IKZF2: variants seen among roughly 807,000 people sequenced by gnomAD.
IKZF2 encodes IKAROS family zinc finger 2.
IKZF2 carries 15 observed loss-of-function variants against 49.2 expected under a neutral mutation model. That is an observed-to-expected ratio of 0.30 (90% confidence interval 0.20 to 0.47). The LOEUF is 0.47. IKZF2 is among the 20% of genes least tolerant of loss of function. The probability of loss-of-function intolerance (pLI) is 1.00; values close to 1 mark genes in which losing one functional copy is unlikely to be tolerated. For synonymous variants in IKZF2, 227 were observed against 221.4 expected (o/e 1.03, Z -0.23); for missense variants, 567 against 664.6 (o/e 0.85, Z 1.61).
intron 4 of IKZF2, among the ~76,000 whole-genome samples, chr2:213,122,250 GC>G (rs2060082771): frequency 6.6e-6 from 1 of 152,202 alleles, no homozygotes; most frequent in Admixed American, 6.5e-5. Flanking sequence ...CTTCTGAAAA[GC>G]AGAGACTATT....
At chr2:213,090,310 G>A (rs953443955) in intron 4 of IKZF2, among the ~76,000 whole-genome samples, 5 of 152,174 alleles carry the variant, frequency 3.3e-5, no homozygotes, top group African/African-American at 1.2e-4. Flanking sequence ...GCTCACTAAA[G>A]TATATGTGTC....
intron 5 of IKZF2, among the ~76,000 whole-genome samples, chr2:213,054,225 CAG>C (rs1167104151): frequency 6.6e-6 from 1 of 151,800 alleles, no homozygotes; most frequent in African/African-American, 2.4e-5. Context: ...GCCTGGGCGA[CAG>C]AGCAAGACTC....
chr2:213,124,240 T>TCA (rs1553599601), intron 4 of IKZF2, among the ~76,000 whole-genome samples: 1 of 118,410 alleles, frequency 8.4e-6, no homozygotes, highest in African/African-American at 3.4e-5. Flanking sequence ...ACACATGCGC[T>TCA]CGCGCGCGCG....
chr2:213,140,614 A>G (rs1033015674), intron 4 of IKZF2, among the ~76,000 whole-genome samples: 1 of 151,950 alleles, frequency 6.6e-6, no homozygotes, highest in African/African-American at 2.4e-5. Flanking sequence ...TTTTTTTTAA[A>G]AAACAGAAGT....
At chr2:213,112,699 G>A (rs887801860) in intron 4 of IKZF2, among the ~76,000 whole-genome samples, 6 of 151,874 alleles carry the variant, frequency 4.0e-5, no homozygotes, top group East Asian at 1.9e-4. Flanking sequence ...ACATTACACC[G>A]ATTCCCCAAC....
intron 6 of IKZF2, among the ~76,000 whole-genome samples, chr2:213,049,339 C>T (rs987102004): frequency 6.6e-6 from 1 of 152,040 alleles, no homozygotes; most frequent in African/African-American, 2.4e-5. Context: ...AATCAGTTTT[C>T]ATTTCCTCTA....
At chr2:213,069,988 C>G (rs911135872) in intron 4 of IKZF2, among the ~76,000 whole-genome samples, 2 of 151,952 alleles carry the variant, frequency 1.3e-5, no homozygotes, top group African/African-American at 4.8e-5. Flanking sequence ...TTTAATTGTG[C>G]GATATTTTTA....
chr2:213,002,600 G>A lies in IKZF2; in HGVS notation c.*4760C>T, dbSNP rs1201828412. On this transcript the variant is annotated 3_prime_UTR_variant, in exon 9 of 9. Coordinates refer to ENST00000434687, the MANE Select transcript of IKZF2 (RefSeq NM_001387220.1). The stretch of plus-strand genomic sequence containing the variant: ...GCTGTCATATCCTAACACACCCATT[G>A]CAAGTAATACACAACCATGATATGA... The A allele has an allele frequency of 6.6e-6, 1 of 151,836 alleles. No homozygotes were observed. The highest frequency in any genetic ancestry group is 1.5e-5 in the Non-Finnish European group (1 of 67,560). The allele number at this position is 151,836 out of a possible 1,614,324, so 9.4% of individuals were successfully genotyped here.
chr2:213,109,396 G>A (rs1430226178), intron 4 of IKZF2, among the ~76,000 whole-genome samples: 2 of 151,908 alleles, frequency 1.3e-5, no homozygotes, highest in Admixed American at 1.3e-4. Flanking sequence ...ACAACCACAG[G>A]AATAATAGAT....
chr2:213,052,374 G>A (rs1313454432), intron 5 of IKZF2, among the ~76,000 whole-genome samples: 3 of 151,934 alleles, frequency 2.0e-5, no homozygotes, highest in African/African-American at 4.8e-5. Context: ...AAGAGAAAAG[G>A]GGCATTGAAA....
intron 4 of IKZF2, among the ~76,000 whole-genome samples, chr2:213,130,888 T>C (rs1363466950): frequency 6.6e-6 from 1 of 152,170 alleles, no homozygotes; most frequent in Admixed American, 6.5e-5. Context: ...AAAAGATTAC[T>C]TCTTAAGAAG....
chr2:213,132,728 G>A (rs74874817), intron 4 of IKZF2, among the ~76,000 whole-genome samples: 2,637 of 152,264 alleles, frequency 0.017, 39 homozygotes, highest in South Asian at 0.034. Flanking sequence ...AAGCAGCCAA[G>A]ACCTGCCAGC....
In IKZF2 at chr2:212,999,743, T is replaced by C. The variant is rs1210608025; in HGVS notation, c.*7617A>G. 6.6e-6 allele frequency: 1 copy of C among 152,392 alleles called. No homozygotes were observed. The highest frequency in any genetic ancestry group is 1.5e-5 in the Non-Finnish European group (1 of 67,904). The allele number at this position is 152,392 out of a possible 1,614,324, so 9.4% of individuals were successfully genotyped here. A position where few individuals can be genotyped will look rare whatever the true frequency, so the allele number is the denominator to read the frequency against. On this transcript the variant is annotated 3_prime_UTR_variant, in exon 9 of 9. Coordinates refer to ENST00000434687, the MANE Select transcript of IKZF2 (RefSeq NM_001387220.1). ...TTTATTGGTAAAATATTAAATAATA[T>C]ACAGAATTAAAAACTGCACTTACAC...
rs1694849933 is a variant in IKZF2, at chr2:213,000,892, CT to C, written c.*6467del. The C allele has an allele frequency of 6.6e-6, 1 of 151,536 alleles. No individual in the cohort carries two copies. The highest frequency in any genetic ancestry group is 2.1e-4 in the South Asian group (1 of 4,824). The allele number at this position is 151,536 out of a possible 1,614,324, so 9.4% of individuals were successfully genotyped here. A position where few individuals can be genotyped will look rare whatever the true frequency, so the allele number is the denominator to read the frequency against. ...GACACATTTTTCAAGCAAAAGATTA[CT>C]AATTTCCATGGAAATTTAGCTTAAA... On this transcript the variant is annotated 3_prime_UTR_variant, in exon 9 of 9. Coordinates refer to ENST00000434687, the MANE Select transcript of IKZF2 (RefSeq NM_001387220.1).
At chr2:213,122,886 A>G (rs1050930926) in intron 4 of IKZF2, among the ~76,000 whole-genome samples, 1 of 152,226 alleles carries the variant, frequency 6.6e-6, no homozygotes, top group Non-Finnish European at 1.5e-5. Flanking sequence ...ATGTTCACAC[A>G]AAGACGAAGC....
intron 6 of IKZF2, among the ~76,000 whole-genome samples, chr2:213,023,067 T>A (rs1010434931): frequency 6.6e-6 from 1 of 152,164 alleles, no homozygotes; most frequent in African/African-American, 2.4e-5. Context: ...CAGAACAACA[T>A]AAAACCCCAG....
intron 8 of IKZF2, 62 bp downstream of exon 8, chr2:213,013,729 G>A (rs1696244648): frequency 4.9e-6 from 7 of 1,434,966 alleles, no homozygotes; most frequent in Non-Finnish European, 6.7e-6. Context: ...CTAATACATG[G>A]GAACTTGCCT....
At chr2:213,024,401 G>A (rs1193118517) in intron 6 of IKZF2, among the ~76,000 whole-genome samples, 4 of 152,100 alleles carry the variant, frequency 2.6e-5, no homozygotes, top group Non-Finnish European at 5.9e-5. Context: ...TTCCCATGGT[G>A]CCTATCCGTA....
At chr2:213,068,196 C>T (rs186189200) in intron 4 of IKZF2, among the ~76,000 whole-genome samples, 1 of 152,206 alleles carries the variant, frequency 6.6e-6, no homozygotes, top group East Asian at 1.9e-4. Context: ...TATGATATTA[C>T]ATTAATCAGA....
Sources: allele counts gnomAD v4.1 joint callset (sites outside exome capture counted in the v4.1 genomes callset), GRCh38; gene constraint gnomAD v4.1.1; transcripts MANE v1.5; gene names NCBI Gene and HGNC (gene_info 2026-07-23, HGNC 2026-07-21).